Variants in GNAQ observed in about 807,000 individuals in gnomAD.
GNAQ encodes guanine nucleotide-binding protein G(q) subunit alpha.
In GNAQ, 8 loss-of-function variants were observed where a neutral mutation model predicts 43.9. The observed-to-expected ratio is 0.18, with a 90% CI of 0.11 to 0.33. The LOEUF (loss-of-function observed/expected upper bound fraction) is 0.33. Among genes scored for constraint, GNAQ ranks in the 10% least tolerant of loss-of-function variants. The pLI, the probability that GNAQ is intolerant of heterozygous loss-of-function variation, is 1.00. For synonymous variants in GNAQ, 155 were observed against 170.7 expected (o/e 0.91, Z 0.71); for missense variants, 158 against 450.8 (o/e 0.35, Z 5.88).
chr9:77,859,277 G>C (rs139200640), intron 2 of GNAQ, among the ~76,000 whole-genome samples: 46 of 152,262 alleles, frequency 3.0e-4, no homozygotes, highest in African/African-American at 1.1e-3. Flanking sequence ...GAAACGAAGA[G>C]CTAATGAAAG....
At chr9:77,792,537 C>T (rs759973211) in intron 5 of GNAQ, among the ~76,000 whole-genome samples, 7 of 152,078 alleles carry the variant, frequency 4.6e-5, no homozygotes, top group Admixed American at 3.3e-4. Context: ...AATAAATGAT[C>T]TGTAATGTTC....
chr9:77,964,768 T>G (rs995973921), intron 1 of GNAQ, among the ~76,000 whole-genome samples: 1 of 152,144 alleles, frequency 6.6e-6, no homozygotes, highest in East Asian at 1.9e-4. Flanking sequence ...AAACAACATA[T>G]TAAGTGTGAA....
At chr9:77,994,175 C>A (rs375426344) in intron 1 of GNAQ, among the ~76,000 whole-genome samples, 4 of 152,030 alleles carry the variant, frequency 2.6e-5, no homozygotes, top group East Asian at 1.9e-4. Context: ...CATCACCATG[C>A]CCAGCTAACT....
chr9:77,869,784 T>C (rs1828006975), intron 2 of GNAQ, among the ~76,000 whole-genome samples: 1 of 152,180 alleles, frequency 6.6e-6, no homozygotes, highest in Non-Finnish European at 1.5e-5. Flanking sequence ...CCCATCTCCT[T>C]CTGGGAATGC....
At chr9:77,771,055 T>C (rs1437782120) in intron 5 of GNAQ, among the ~76,000 whole-genome samples, 1 of 152,204 alleles carries the variant, frequency 6.6e-6, no homozygotes, top group African/African-American at 2.4e-5. Context: ...GGTCTATCCA[T>C]TATCCCAGTT....
intron 5 of GNAQ, among the ~76,000 whole-genome samples, chr9:77,778,174 CA>C (rs1247317896): frequency 5.9e-5 from 9 of 151,264 alleles, no homozygotes; most frequent in Non-Finnish European, 1.3e-4. Context: ...AGCAAGTGTT[CA>C]ATTATGTATG....
chr9:77,932,949 G>C (rs571017872), intron 1 of GNAQ, among the ~76,000 whole-genome samples: 1 of 152,274 alleles, frequency 6.6e-6, no homozygotes, highest in South Asian at 2.1e-4. Context: ...GTGAAAAAGG[G>C]AGGAGATGAC....
At chr9:78,016,259 T>C (rs1587462547) in intron 1 of GNAQ, among the ~76,000 whole-genome samples, 1 of 152,214 alleles carries the variant, frequency 6.6e-6, no homozygotes, top group Non-Finnish European at 1.5e-5. Context: ...TTTAAAACTG[T>C]TGCGCTTCAG....
chr9:77,939,867 C>T (rs1564157931), intron 1 of GNAQ, among the ~76,000 whole-genome samples: 1 of 152,178 alleles, frequency 6.6e-6, no homozygotes, highest in Non-Finnish European at 1.5e-5. Flanking sequence ...AGCCTGATTT[C>T]TGCACCCTCC....
At chr9:77,869,065 T>C (rs1193752856) in intron 2 of GNAQ, among the ~76,000 whole-genome samples, 1 of 152,178 alleles carries the variant, frequency 6.6e-6, no homozygotes, top group African/African-American at 2.4e-5. Flanking sequence ...ATATATTTCA[T>C]ATTATGAACA....
At chr9:77,907,582 T>G (rs778601581) in intron 2 of GNAQ, among the ~76,000 whole-genome samples, 4 of 152,160 alleles carry the variant, frequency 2.6e-5, no homozygotes, top group Non-Finnish European at 5.9e-5. Flanking sequence ...ATTTTAAAAA[T>G]TATTTAAGTC....
chr9:78,004,410 T>G (rs1174493968), intron 1 of GNAQ, among the ~76,000 whole-genome samples: 1 of 152,054 alleles, frequency 6.6e-6, no homozygotes, highest in Non-Finnish European at 1.5e-5. Context: ...TATCACCAGG[T>G]GCTCATGAGA....
intron 3 of GNAQ, among the ~76,000 whole-genome samples, chr9:77,805,816 G>A (rs1826821332): frequency 6.6e-6 from 1 of 152,124 alleles, no homozygotes; most frequent in Non-Finnish European, 1.5e-5. Context: ...TATTCTGGAG[G>A]ATAAAAGAGA....
chr9:77,817,099 G>A (rs1400268491), intron 2 of GNAQ, among the ~76,000 whole-genome samples: 2 of 152,154 alleles, frequency 1.3e-5, no homozygotes, highest in Non-Finnish European at 2.9e-5. Context: ...AATCTTCCGT[G>A]TTCTCCCACC....
In GNAQ at chr9:77,775,055, A is replaced by G. The variant is rs111512834; in HGVS notation, c.735+19408T>C. 5.6e-3 allele frequency among the ~76,000 whole-genome samples: 856 copies of G among 152,268 alleles called. 1 individual carries two copies. The highest frequency in any genetic ancestry group is 0.019 in the African/African-American group (809 of 41,556). ...ATGCTGTACGTGCTGTTTTGAAATT[A>G]TTTACATCAATATATCATGAGCGAC... is the stretch of plus-strand genomic sequence containing the variant. On this transcript the variant is annotated intron_variant, in intron 5 of 6. Transcript: ENST00000286548.
Position 77,804,927 on chromosome 9 carries a change from G to A in GNAQ, c.477-7279C>T, listed in dbSNP as rs146568197. On this transcript the variant is annotated intron_variant, in intron 3 of 6. Transcript: ENST00000286548. ...CTCATTGTGAGAGGAACAGTCTTTG[G>A]GGAGTTGAAAGCTAGATCATGCCAT... Among the ~76,000 whole-genome samples the A allele has an allele frequency of 7.3e-4, 111 of 152,204 alleles. 1 individual carries two copies. The East Asian group carries it at 0.013, about 18-fold the overall frequency.
chr9:77,819,029 A>AAAAAAAAAAAAG (rs1564120114), intron 2 of GNAQ, among the ~76,000 whole-genome samples: 1 of 119,184 alleles, frequency 8.4e-6, no homozygotes. Context: ...AAAAAAAAAA[A>AAAAAAAAAAAAG]CACCCAAAAA....
intron 2 of GNAQ, among the ~76,000 whole-genome samples, chr9:77,920,295 G>A (rs1343972057): frequency 6.6e-6 from 1 of 152,042 alleles, no homozygotes; most frequent in African/African-American, 2.4e-5. Flanking sequence ...TTAAAACAGG[G>A]CAAGGTCCTG....
chr9:77,818,221 A>T (rs755023259), intron 2 of GNAQ, among the ~76,000 whole-genome samples: 1 of 152,150 alleles, frequency 6.6e-6, no homozygotes, highest in Non-Finnish European at 1.5e-5. Flanking sequence ...GGAATTTCTA[A>T]GTCACTTTTA....
Sources: gnomAD v4.1 joint callset for allele counts (sites outside exome capture counted in the v4.1 genomes callset) on GRCh38, gnomAD v4.1.1 for gene constraint, MANE v1.5 for transcripts, NCBI Gene and HGNC (gene_info 2026-07-23, HGNC 2026-07-21) for gene names.